The following IGSF5 variants were observed in gnomAD, a reference collection of about 807,000 sequenced individuals.
IGSF5 encodes the protein immunoglobulin superfamily 5 like.
A neutral mutation model predicts 39.4 loss-of-function variants in IGSF5; 41 were observed. That is an observed-to-expected ratio of 1.04 (90% CI 0.81 to 1.35). The LOEUF is 1.35. Among genes scored for constraint, IGSF5 ranks in the 40% most tolerant of loss-of-function variants. The pLI is 0.00. For synonymous variants in IGSF5, 183 were observed against 175.3 expected, an observed-to-expected ratio of 1.04 and a Z score of -0.34; for missense variants, 487 against 494.6, an observed-to-expected ratio of 0.98 and a Z score of 0.15.
At chr21:39,770,597 C>G (rs904333003) in intron 3 of IGSF5, among the ~76,000 whole-genome samples, 2 of 152,120 alleles carry the variant, frequency 1.3e-5, no homozygotes, top group African/African-American at 2.4e-5. Flanking sequence ...GTATAACCCC[C>G]CTATGGCATG....
At chr21:39,728,491 T>A in the IGSF5 span, among the ~76,000 whole-genome samples, 4 of 152,170 alleles carry the variant, frequency 2.6e-5, no homozygotes, top group African/African-American at 7.2e-5. Flanking sequence ...TTCCCACATC[T>A]TGATCTTGGA....
chr21:39,780,033 A>G (rs2080162478), intron 5 of IGSF5, among the ~76,000 whole-genome samples: 1 of 152,224 alleles, frequency 6.6e-6, no homozygotes, highest in African/African-American at 2.4e-5. Flanking sequence ...AAAATTGCTA[A>G]GAGAACAGGT....
chr21:39,765,666 G>A lies in IGSF5; in HGVS notation c.232G>A (p.Val78Met), dbSNP rs1386378867. 1.9e-6 allele frequency: 3 copies of A among 1,614,026 alleles called. No homozygotes were observed. The highest frequency in any genetic ancestry group is 2.7e-5 in the African/African-American group (2 of 74,918). ...LIMWALSDMV[V>M]LSVRPMEPII... is the part of the protein sequence containing the mutation. Reference sequence around the variant, plus strand: ...CATGTGGGCTCTCAGTGACATGGTGGTGCTAAGCGTCAGGCCCATGGAGCC... The same window carrying A: ...CATGTGGGCTCTCAGTGACATGGTGATGCTAAGCGTCAGGCCCATGGAGCC... The change falls in exon 3 of 9, where the codon GTG becomes ATG. Residue 78 changes from valine (V) to methionine (M), a missense_variant. Transcript: ENST00000380588.
In IGSF5 at chr21:39,775,015, T is replaced by A. The variant is rs116487314; in HGVS notation, c.718+3800T>A. 8.4e-3 allele frequency among the ~76,000 whole-genome samples: 1,282 copies of A among 152,298 alleles called. 15 individuals are homozygous for A. The highest frequency in any genetic ancestry group is 0.029 in the African/African-American group (1,206 of 41,556). On this transcript the variant is annotated intron_variant, in intron 4 of 8. Transcript: ENST00000380588. ...AGCAGAGGAGCCTTCTTTATAAATA[T>A]GCTGAGGCTCAGCCTCCTCCTGGGG...
the IGSF5 span, among the ~76,000 whole-genome samples, chr21:39,716,458 A>C: frequency 1.3e-5 from 2 of 152,130 alleles, no homozygotes; most frequent in Admixed American, 1.3e-4. Context: ...TATTAAGCCC[A>C]GTACCCAATA....
chr21:39,762,972 A>G (rs2080068592), intron 2 of IGSF5, among the ~76,000 whole-genome samples: 1 of 152,156 alleles, frequency 6.6e-6, no homozygotes, highest in Non-Finnish European at 1.5e-5. Context: ...TGCTCTATAA[A>G]GCAAAAGGGA....
At chr21:39,759,230 T>G (rs1339926019) in intron 2 of IGSF5, among the ~76,000 whole-genome samples, 1 of 152,238 alleles carries the variant, frequency 6.6e-6, no homozygotes, top group African/African-American at 2.4e-5. Context: ...TTTGTGACAT[T>G]TTGGCTTTGG....
chr21:39,746,517 A>T (rs2079975744), intron 2 of IGSF5, among the ~76,000 whole-genome samples: 1 of 152,234 alleles, frequency 6.6e-6, no homozygotes, highest in African/African-American at 2.4e-5. Context: ...GGGGTGGCAT[A>T]TCCTAATCCC....
intron 2 of IGSF5, among the ~76,000 whole-genome samples, chr21:39,757,659 C>A (rs1363257905): frequency 6.6e-6 from 1 of 151,600 alleles, no homozygotes; most frequent in East Asian, 1.9e-4. Flanking sequence ...TCACTGCAAC[C>A]TGCGCCTCCC....
At chr21:39,778,041 G>T (rs2080149796) in intron 4 of IGSF5, among the ~76,000 whole-genome samples, 2 of 152,094 alleles carry the variant, frequency 1.3e-5, no homozygotes, top group Admixed American at 1.3e-4. Flanking sequence ...AAGCACGCAG[G>T]GTTGAGTGAC....
rs1343862236 is a variant in IGSF5 at position 39,771,234 on chromosome 21, C to T, written c.718+19C>T. On this transcript the variant is annotated intron_variant, in intron 4 of 8. Coordinates refer to ENST00000380588, the MANE Select transcript of IGSF5 (RefSeq NM_001080444.2). ...CCCCAAGGTAAGTGAAGACATTCTG[C>T]TTTATATGAAATGAATGATTATTTC... 6.6e-7 allele frequency: 1 copy of T among 1,510,418 alleles called. No homozygotes were observed. Among genetic ancestry groups the T allele is most frequent in the Non-Finnish European group, 8.9e-7 (1 of 1,126,362 alleles). 93.6% of individuals were successfully genotyped at this position (1,510,418 alleles called of 1,614,324 possible).
intron 2 of IGSF5, among the ~76,000 whole-genome samples, chr21:39,752,134 C>T (rs1395104243): frequency 1.3e-5 from 2 of 152,194 alleles, no homozygotes; most frequent in Non-Finnish European, 1.5e-5. Flanking sequence ...GCAGTGTACA[C>T]TGTGCCTAAT....
At chr21:39,748,440 AGCTGGGACTACAG>A (rs1195808590) in intron 2 of IGSF5, among the ~76,000 whole-genome samples, 1 of 149,538 alleles carries the variant, frequency 6.7e-6, no homozygotes. Flanking sequence ...CCACTGGAGT[AGCTGGGACTACAG>A]GCACGTGCCA....
At chr21:39,788,251 A>G in intron 6 of IGSF5, 63 bp downstream of exon 6, 2 of 1,173,998 alleles carry the variant, frequency 1.7e-6, no homozygotes, top group Non-Finnish European at 2.5e-6. Flanking sequence ...AACAACAATA[A>G]TAACAACAAT....
chr21:39,713,033 T>G, the IGSF5 span, among the ~76,000 whole-genome samples: 1 of 152,218 alleles, frequency 6.6e-6, no homozygotes, highest in Non-Finnish European at 1.5e-5. Context: ...GGGGCTGTAG[T>G]GCAGGAATAG....
intron 8 of IGSF5, among the ~76,000 whole-genome samples, chr21:39,799,297 G>T (rs1013445992): frequency 6.6e-6 from 1 of 152,156 alleles, no homozygotes; most frequent in African/African-American, 2.4e-5. Context: ...ACACGGAGGT[G>T]CACCCAGCGC....
the IGSF5 span, among the ~76,000 whole-genome samples, chr21:39,713,741 T>G: frequency 6.6e-6 from 1 of 152,172 alleles, no homozygotes; most frequent in Non-Finnish European, 1.5e-5. Context: ...GCTTCCTTCT[T>G]AAAGGTGGGA....
At chr21:39,762,396 T>A (rs1163991764) in intron 2 of IGSF5, among the ~76,000 whole-genome samples, 1 of 152,208 alleles carries the variant, frequency 6.6e-6, no homozygotes, top group Non-Finnish European at 1.5e-5. Flanking sequence ...AAAGATTTTC[T>A]AATTGGCAAT....
At chr21:39,790,137 T>C (rs1055048649) in intron 6 of IGSF5, among the ~76,000 whole-genome samples, 42 of 152,186 alleles carry the variant, frequency 2.8e-4, no homozygotes, top group Non-Finnish European at 1.0e-4. Context: ...TCTGACATCT[T>C]TCCCACATCC....
Sources: gnomAD v4.1 joint callset for allele counts (sites outside exome capture counted in the v4.1 genomes callset) on GRCh38, gnomAD v4.1.1 for gene constraint, MANE v1.5 for transcripts, NCBI Gene and HGNC (gene_info 2026-07-23, HGNC 2026-07-21) for gene names.